The following CHCHD6 variants were observed in gnomAD, a reference collection of about 807,000 sequenced individuals.
CHCHD6 encodes the protein coiled-coil-helix-coiled-coil-helix domain containing 6.
A neutral mutation model predicts 32.3 loss-of-function variants in CHCHD6; 28 were observed. That is an observed-to-expected ratio of 0.87 (90% confidence interval 0.64 to 1.19). The LOEUF (loss-of-function observed/expected upper bound fraction) is 1.19, where lower values mean the gene tolerates loss of function less well. Among genes scored for constraint, CHCHD6 ranks in the 50% most tolerant of loss-of-function variants. The pLI is 0.00. For synonymous variants in CHCHD6, 122 were observed against 117.5 expected (o/e 1.04, Z -0.25); for missense variants, 333 against 307.0 (o/e 1.08, Z -0.63).
At position 126,945,946 on chromosome 3, in the gene CHCHD6, G is replaced by A. The variant is rs549662757; in HGVS notation, c.567-11470G>A. On this transcript the variant is annotated intron_variant, in intron 6 of 7. Transcript: ENST00000290913. ...GGGAACAGGCAGCCACCCACAGTCTGGAGTGCTAGGGACCCACCCAGTGCC... is the reference window on the plus strand; with the variant it reads ...GGGAACAGGCAGCCACCCACAGTCTAGAGTGCTAGGGACCCACCCAGTGCC... 5.9e-5 allele frequency among the ~76,000 whole-genome samples: 9 copies of A among 152,194 alleles called. No individual in the cohort carries two copies. The South Asian group carries it at 1.9e-3, about 32-fold the overall frequency.
At chr3:126,879,646 G>A (rs945055717) in intron 5 of CHCHD6, among the ~76,000 whole-genome samples, 2 of 152,182 alleles carry the variant, frequency 1.3e-5, no homozygotes, top group African/African-American at 4.8e-5. Flanking sequence ...AACCTTGATT[G>A]GATCCTGAAT....
At chr3:126,871,587 G>A (rs960326043) in intron 5 of CHCHD6, among the ~76,000 whole-genome samples, 1 of 151,710 alleles carries the variant, frequency 6.6e-6, no homozygotes, top group Admixed American at 6.6e-5. Flanking sequence ...TATGAGTAGC[G>A]AGCCTGGCAA....
chr3:126,766,610 G>A lies in CHCHD6; in HGVS notation c.411+33388G>A, dbSNP rs543484556. 4.3e-5 allele frequency: 48 copies of A among 1,127,072 alleles called. No individual in the cohort carries two copies. In the African/African-American group the frequency reaches 6.5e-4, roughly 15 times the overall value. The allele number at this position is 1,127,072 out of a possible 1,614,324, so 69.8% of individuals were successfully genotyped here. On this transcript the variant is annotated intron_variant, in intron 4 of 7. Coordinates refer to ENST00000290913, the MANE Select transcript of CHCHD6 (RefSeq NM_032343.3). ...GAAGACTTGGGCTTGTGGTCCCTTA[G>A]CCCAGTTCCCCGAAGGTCGGTGATG...
intron 5 of CHCHD6, among the ~76,000 whole-genome samples, chr3:126,875,554 T>C (rs900268771): frequency 4.6e-5 from 7 of 152,126 alleles, no homozygotes; most frequent in Admixed American, 2.0e-4. Context: ...CTGGAGAGAA[T>C]TGGGCTCAAG....
Position 126,827,015 on chromosome 3 carries a change from C to T in CHCHD6, c.412-25632C>T, listed in dbSNP as rs1940424149. 2.0e-5 allele frequency among the ~76,000 whole-genome samples: 3 copies of T among 152,128 alleles called. No individual in the cohort carries two copies. The South Asian group carries it at 6.2e-4, about 32-fold the overall frequency. Reference sequence around the variant, plus strand: ...CAGGTGAAGGATGTTTGTGGGGGGCCACAGGGAGGAGAGAACCAAGTAGGA... The same window carrying T: ...CAGGTGAAGGATGTTTGTGGGGGGCTACAGGGAGGAGAGAACCAAGTAGGA... On this transcript the variant is annotated intron_variant, in intron 4 of 7. Coordinates refer to ENST00000290913, the MANE Select transcript of CHCHD6 (RefSeq NM_032343.3).
chr3:126,788,590 T>C (rs1382312705), intron 4 of CHCHD6, among the ~76,000 whole-genome samples: 1 of 152,256 alleles, frequency 6.6e-6, no homozygotes, highest in Non-Finnish European at 1.5e-5. Flanking sequence ...CCATTTCTTC[T>C]AGATTTTCTA....
At chr3:126,765,832 A>G (rs1010912694) in intron 4 of CHCHD6, among the ~76,000 whole-genome samples, 1 of 152,210 alleles carries the variant, frequency 6.6e-6, no homozygotes, top group Non-Finnish European at 1.5e-5. Flanking sequence ...CAGACTCCCA[A>G]TCCCCCTCCA....
At chr3:126,917,754 C>A (rs2078192305) in intron 6 of CHCHD6, among the ~76,000 whole-genome samples, 1 of 152,114 alleles carries the variant, frequency 6.6e-6, no homozygotes, top group Admixed American at 6.5e-5. Context: ...GTGGAGGCCT[C>A]ATGGGTGGGA....
At chr3:126,857,950 C>A (rs1576503106) in intron 5 of CHCHD6, among the ~76,000 whole-genome samples, 1 of 138,342 alleles carries the variant, frequency 7.2e-6, no homozygotes. Flanking sequence ...CTGCATGTGC[C>A]CCCAGGTTCA....
At chr3:126,837,197 C>G (rs888547485) in intron 4 of CHCHD6, among the ~76,000 whole-genome samples, 1 of 152,288 alleles carries the variant, frequency 6.6e-6, no homozygotes, top group African/African-American at 2.4e-5. Flanking sequence ...TACTTTAAAA[C>G]TTTACCTCTG....
chr3:126,729,399 G>A (rs1169418950), intron 2 of CHCHD6, among the ~76,000 whole-genome samples: 2 of 152,204 alleles, frequency 1.3e-5, no homozygotes. Context: ...GCGGGCAGGG[G>A]CACACAGAAA....
chr3:126,767,057 A>C, intron 4 of CHCHD6: 1 of 971,158 alleles, frequency 1.0e-6, no homozygotes, highest in Non-Finnish European at 1.6e-6. Context: ...TCAATGGGGA[A>C]CCAGTCTGTA....
chr3:126,802,934 T>G (rs556673815), intron 4 of CHCHD6, among the ~76,000 whole-genome samples: 2 of 152,230 alleles, frequency 1.3e-5, no homozygotes, highest in South Asian at 2.1e-4. Context: ...AAAAGAATTT[T>G]CAACCCAGAA....
At chr3:126,930,181 A>C (rs997829453) in intron 6 of CHCHD6, among the ~76,000 whole-genome samples, 2 of 152,232 alleles carry the variant, frequency 1.3e-5, no homozygotes, top group African/African-American at 4.8e-5. Context: ...ACATGTTTCC[A>C]ACAGACTCTT....
In CHCHD6 at chr3:126,798,998, C is replaced by T. The variant is rs1219673294; in HGVS notation, c.412-53649C>T. Among the ~76,000 whole-genome samples the T allele has an allele frequency of 3.3e-5, 5 of 152,216 alleles. No homozygotes were observed. The East Asian group carries it at 9.6e-4, about 29-fold the overall frequency. ...AATGTACCCTCCTTCAAGAAGCTGT[C>T]TATGCCCTCTGGTGCTGGTGAGGTG... On this transcript the variant is annotated intron_variant, in intron 4 of 7. Transcript: ENST00000290913.
chr3:126,844,497 C>A (rs1374396091), intron 4 of CHCHD6, among the ~76,000 whole-genome samples: 1 of 152,090 alleles, frequency 6.6e-6, no homozygotes, highest in Non-Finnish European at 1.5e-5. Flanking sequence ...GCCTTGAATT[C>A]TTCTTTAACT....
intron 4 of CHCHD6, among the ~76,000 whole-genome samples, chr3:126,835,794 C>T (rs1440310900): frequency 1.3e-5 from 2 of 152,258 alleles, no homozygotes; most frequent in Non-Finnish European, 2.9e-5. Context: ...TTTCAAGCAG[C>T]ATGCTGTTAC....
intron 5 of CHCHD6, among the ~76,000 whole-genome samples, chr3:126,871,997 G>A (rs1452350178): frequency 6.6e-6 from 1 of 152,038 alleles, no homozygotes; most frequent in Non-Finnish European, 1.5e-5. Context: ...ATCCATCATT[G>A]TATTTCTCAG....
chr3:126,890,782 T>C (rs1204665910), intron 5 of CHCHD6, among the ~76,000 whole-genome samples: 2 of 152,214 alleles, frequency 1.3e-5, no homozygotes, highest in Non-Finnish European at 2.9e-5. Context: ...CAGGTGTATT[T>C]CTGAGCAGCG....
Sources: gnomAD v4.1 joint callset for allele counts (sites outside exome capture counted in the v4.1 genomes callset) on GRCh38, gnomAD v4.1.1 for gene constraint, MANE v1.5 for transcripts, NCBI Gene and HGNC (gene_info 2026-07-23, HGNC 2026-07-21) for gene names.